CCSER1: variants seen among roughly 807,000 people sequenced by gnomAD.
CCSER1 encodes the protein serine-rich coiled-coil domain-containing protein 1.
In CCSER1, 41 loss-of-function variants were observed where a neutral mutation model predicts 82.0. The ratio of observed to expected loss-of-function variants is 0.50; its 90% CI spans 0.39 to 0.65. The LOEUF (loss-of-function observed/expected upper bound fraction) is 0.65. Among genes scored for constraint, CCSER1 ranks in the 30% least tolerant of loss-of-function variants. The pLI is 0.00. For missense variants in CCSER1, 1,119 were observed against 1,064.2 expected (o/e 1.05, Z -0.72); for synonymous variants, 414 against 383.9 (o/e 1.08, Z -0.92).
intron 10 of CCSER1, among the ~76,000 whole-genome samples, chr4:91,570,335 G>T (rs1763112134): frequency 6.6e-6 from 1 of 152,142 alleles, no homozygotes; most frequent in African/African-American, 2.4e-5. Context: ...AGCACCACTA[G>T]GCAGTGCCCC....
At chr4:90,147,937 G>GAT (rs1392902158) in intron 1 of CCSER1, among the ~76,000 whole-genome samples, 1 of 152,172 alleles carries the variant, frequency 6.6e-6, no homozygotes, top group African/African-American at 2.4e-5. Context: ...GGCCGAGATG[G>GAT]ATAGATCACT....
intron 8 of CCSER1, among the ~76,000 whole-genome samples, chr4:90,863,186 G>A (rs540434903): frequency 1.1e-4 from 16 of 151,458 alleles, no homozygotes; most frequent in African/African-American, 2.9e-4. Flanking sequence ...GAGAACATGC[G>A]GTGTTTGGTC....
At position 91,575,004 on chromosome 4, in the gene CCSER1, A is replaced by AT. The variant is rs1193236794; in HGVS notation, c.2218-23567dup. ...TAGTAATCAAGACAGTATTGTAGGG[A>AT]TAAAAAGAGGTACATAGGTCAATGA... On this transcript the variant is annotated intron_variant, in intron 10 of 10. Transcript: ENST00000509176. Among the ~76,000 whole-genome samples, 5 of 152,198 alleles carry AT rather than the reference A, an allele frequency of 3.3e-5. No homozygotes were observed. In the East Asian group the frequency reaches 9.7e-4, roughly 29 times the overall value.
intron 1 of CCSER1, among the ~76,000 whole-genome samples, chr4:90,137,025 A>G (rs756626648): frequency 1.1e-4 from 16 of 152,194 alleles, no homozygotes; most frequent in Non-Finnish European, 2.1e-4. Flanking sequence ...TTTTCAAAGG[A>G]ATGTTACCTA....
chr4:91,247,702 T>C (rs559665998), intron 10 of CCSER1, among the ~76,000 whole-genome samples: 2 of 151,982 alleles, frequency 1.3e-5, no homozygotes, highest in Non-Finnish European at 2.9e-5. Flanking sequence ...ACCCTGTCTC[T>C]ACTGAAAATA....
rs952728281 is a variant in CCSER1, at chr4:90,534,810, AT to A, written c.1724+66459del. Among the ~76,000 whole-genome samples, 26 of 152,322 alleles carry A rather than the reference AT, an allele frequency of 1.7e-4. No individual in the cohort carries two copies. The Middle Eastern group carries it at 0.014, about 80-fold the overall frequency. Reference sequence around the variant, plus strand: ...GATGTAATTGCTACTGAAGTTAATCATTTATTATACACACACTTAGATTTCT... The same window carrying A: ...GATGTAATTGCTACTGAAGTTAATCATTATTATACACACACTTAGATTTCT... On this transcript the variant is annotated intron_variant, in intron 5 of 10. Coordinates refer to ENST00000509176, the MANE Select transcript of CCSER1 (RefSeq NM_001145065.2).
At chr4:90,991,061 C>T (rs762363059) in intron 9 of CCSER1, among the ~76,000 whole-genome samples, 19 of 151,896 alleles carry the variant, frequency 1.3e-4, no homozygotes, top group Non-Finnish European at 2.5e-4. Context: ...CTTTTTAACA[C>T]GCAGTCAGGT....
At chr4:90,712,906 T>C (rs1448490917) in intron 6 of CCSER1, among the ~76,000 whole-genome samples, 1 of 149,956 alleles carries the variant, frequency 6.7e-6, no homozygotes, top group East Asian at 2.0e-4. Context: ...TTCGTCTCTT[T>C]TTTTTTTTTT....
At chr4:90,811,129 G>A (rs62314134) in intron 7 of CCSER1, among the ~76,000 whole-genome samples, 9,984 of 152,190 alleles carry the variant, frequency 0.066, 445 homozygotes, top group Admixed American at 0.12. Flanking sequence ...ATGAGCCACC[G>A]CATCCGGCAG....
intron 6 of CCSER1, among the ~76,000 whole-genome samples, chr4:90,723,564 A>G (rs571460345): frequency 4.6e-5 from 7 of 152,078 alleles, no homozygotes; most frequent in African/African-American, 1.7e-4. Flanking sequence ...TGAAATAGCA[A>G]CATAATGAAT....
At chr4:90,709,944 CTGT>C (rs1740200063) in intron 6 of CCSER1, among the ~76,000 whole-genome samples, 1 of 93,552 alleles carries the variant, frequency 1.1e-5, no homozygotes, top group African/African-American at 4.2e-5. Context: ...TTGCCAGCAT[CTGT>C]TTTTTTTTTT....
intron 5 of CCSER1, among the ~76,000 whole-genome samples, chr4:90,564,302 G>T (rs1390736844): frequency 6.6e-6 from 1 of 152,004 alleles, no homozygotes; most frequent in South Asian, 2.1e-4. Context: ...GTGATCCTCC[G>T]CCTTGCCCTC....
At chr4:91,164,992 C>G (rs763220428) in intron 10 of CCSER1, among the ~76,000 whole-genome samples, 31 of 152,188 alleles carry the variant, frequency 2.0e-4, no homozygotes, top group Non-Finnish European at 3.5e-4. Flanking sequence ...GAGCTGTGAT[C>G]CTTTGAAGGA....
intron 6 of CCSER1, among the ~76,000 whole-genome samples, chr4:90,669,291 A>C (rs1228601064): frequency 1.3e-5 from 2 of 152,098 alleles, no homozygotes; most frequent in Non-Finnish European, 2.9e-5. Flanking sequence ...ACTTATTAAA[A>C]TATATGGTCT....
At chr4:90,479,503 T>G (rs556908426) in intron 5 of CCSER1, among the ~76,000 whole-genome samples, 1 of 152,244 alleles carries the variant, frequency 6.6e-6, no homozygotes, top group South Asian at 2.1e-4. Context: ...ATTAGGTATA[T>G]CTCCTAATGC....
intron 10 of CCSER1, among the ~76,000 whole-genome samples, chr4:91,426,544 G>A (rs1753993253): frequency 6.6e-6 from 1 of 151,126 alleles, no homozygotes; most frequent in South Asian, 2.1e-4. Context: ...ACTCATGAAA[G>A]GTCAAGAAAC....
chr4:91,128,496 C>T (rs1727704818), intron 10 of CCSER1, among the ~76,000 whole-genome samples: 3 of 152,000 alleles, frequency 2.0e-5, no homozygotes, highest in Admixed American at 2.0e-4. Context: ...TTGGAGAACA[C>T]AACAGGTGTA....
Position 91,167,343 on chromosome 4 carries a change from G to A in CCSER1, c.2217+81349G>A, listed in dbSNP as rs542904510. Among the ~76,000 whole-genome samples the A allele has an allele frequency of 3.3e-5, 5 of 151,822 alleles. No homozygotes were observed. The South Asian group carries it at 1.0e-3, about 32-fold the overall frequency. ...TGGGATTACAAGTGCCTGCCACCAT[G>A]CCCAGCTAATTTTTGTATTTTCAGT... On this transcript the variant is annotated intron_variant, in intron 10 of 10. Coordinates refer to ENST00000509176, the MANE Select transcript of CCSER1 (RefSeq NM_001145065.2).
chr4:90,496,062 C>G (rs773830118), intron 5 of CCSER1, among the ~76,000 whole-genome samples: 3 of 151,936 alleles, frequency 2.0e-5, no homozygotes, highest in Non-Finnish European at 4.4e-5. Context: ...ACAAACATTA[C>G]TTATTTAATA....
Sources: gnomAD v4.1 joint callset for allele counts (sites outside exome capture counted in the v4.1 genomes callset) on GRCh38, gnomAD v4.1.1 for gene constraint, MANE v1.5 for transcripts, NCBI Gene and HGNC (gene_info 2026-07-23, HGNC 2026-07-21) for gene names.